VWA8: variants seen among roughly 807,000 people sequenced by gnomAD.
VWA8 encodes von Willebrand factor A domain containing 8, also known as von Willebrand factor A domain-containing protein 8.
In VWA8, 221 loss-of-function variants were observed where a neutral mutation model predicts 241.5. The observed-to-expected ratio is 0.91, with a 90% CI of 0.82 to 1.02. VWA8 has a LOEUF of 1.02. Among genes scored for constraint, VWA8 ranks in the 50% least tolerant of loss-of-function variants. The probability of loss-of-function intolerance (pLI) is 0.00; values close to 1 mark genes in which losing one functional copy is unlikely to be tolerated. For synonymous variants in VWA8, 852 were observed against 827.1 expected (o/e 1.03, Z -0.52); for missense variants, 2,322 against 2,328.7 (o/e 1.00, Z 0.06).
At chr13:41,745,888 A>G (rs1292727292) in intron 21 of VWA8, among the ~76,000 whole-genome samples, 1 of 152,170 alleles carries the variant, frequency 6.6e-6, no homozygotes, top group Non-Finnish European at 1.5e-5. Flanking sequence ...TTTTTAAAAA[A>G]TCCCTCTTCC....
chr13:41,949,271 T>C (rs1171159291), intron 2 of VWA8, among the ~76,000 whole-genome samples: 1 of 152,112 alleles, frequency 6.6e-6, no homozygotes, highest in Non-Finnish European at 1.5e-5. Context: ...GTGGCACCTA[T>C]ACACCATGGA....
intron 12 of VWA8, among the ~76,000 whole-genome samples, chr13:41,854,100 T>C (rs145068769): frequency 6.6e-6 from 1 of 152,310 alleles, no homozygotes; most frequent in East Asian, 1.9e-4. Context: ...TGTTTGTTAG[T>C]ATGTTTGTTA....
At chr13:41,930,831 A>G (rs1044881409) in intron 2 of VWA8, among the ~76,000 whole-genome samples, 3 of 152,086 alleles carry the variant, frequency 2.0e-5, no homozygotes, top group Admixed American at 2.0e-4. Flanking sequence ...AGCATTTCAG[A>G]TAAGGGATGG....
chr13:41,881,340 A>ACTG (rs1555346957), intron 9 of VWA8, among the ~76,000 whole-genome samples: 1 of 112,138 alleles, frequency 8.9e-6, no homozygotes, highest in Non-Finnish European at 1.7e-5. Context: ...TGGTATGATC[A>ACTG]CTGCTACTAG....
chr13:41,628,795 C>A (rs997750075), intron 37 of VWA8, among the ~76,000 whole-genome samples: 9 of 152,174 alleles, frequency 5.9e-5, no homozygotes, highest in African/African-American at 2.2e-4. Context: ...GTAATCCCAG[C>A]ACTTTGGGAG....
chr13:41,953,146 GGAA>G (rs1878210044), intron 1 of VWA8, among the ~76,000 whole-genome samples: 1 of 152,144 alleles, frequency 6.6e-6, no homozygotes. Flanking sequence ...GGTAAATAAT[GGAA>G]GAAGTAGGAA....
At chr13:41,920,617 A>C (rs1876476541) in intron 2 of VWA8, among the ~76,000 whole-genome samples, 1 of 152,216 alleles carries the variant, frequency 6.6e-6, no homozygotes, top group African/African-American at 2.4e-5. Context: ...ATTACCACCG[A>C]TCCCACAGAA....
chr13:41,845,188 C>G (rs141979874), intron 12 of VWA8, among the ~76,000 whole-genome samples: 1 of 151,910 alleles, frequency 6.6e-6, no homozygotes, highest in South Asian at 2.1e-4. Flanking sequence ...AAAAAACATA[C>G]GAAAAAATGC....
chr13:41,753,267 T>A lies in VWA8; in HGVS notation c.2426+7861A>T, dbSNP rs539728315. The stretch of plus-strand genomic sequence containing the variant: ...GTCATGTTAATGATTGGACCTGTGC[T>A]GTCCTCTTCAATTATGAAGGATAGC... On this transcript the variant is annotated intron_variant, in intron 21 of 44. Coordinates refer to ENST00000379310, the MANE Select transcript of VWA8 (RefSeq NM_015058.2). Among the ~76,000 whole-genome samples, 4 of 152,250 alleles carry A rather than the reference T, an allele frequency of 2.6e-5. No homozygotes were observed. In the South Asian group the frequency reaches 8.3e-4, roughly 32 times the overall value.
intron 1 of VWA8, among the ~76,000 whole-genome samples, chr13:41,958,341 C>A (rs115449044): frequency 6.6e-6 from 1 of 152,042 alleles, no homozygotes; most frequent in African/African-American, 2.4e-5. Context: ...AGGCACCAAA[C>A]GAATATATAG....
chr13:41,895,392 A>T (rs144128163), intron 4 of VWA8, among the ~76,000 whole-genome samples: 1 of 152,226 alleles, frequency 6.6e-6, no homozygotes, highest in Non-Finnish European at 1.5e-5. Flanking sequence ...GTTACTAGTA[A>T]TCTCAGAGAG....
chr13:41,762,420 G>T (rs2045747475), intron 20 of VWA8, among the ~76,000 whole-genome samples: 1 of 152,042 alleles, frequency 6.6e-6, no homozygotes, highest in Non-Finnish European at 1.5e-5. Context: ...GTGAAACGAG[G>T]ACTCACATCC....
chr13:41,771,605 G>T (rs1328307006), intron 20 of VWA8, among the ~76,000 whole-genome samples: 2 of 152,014 alleles, frequency 1.3e-5, no homozygotes, highest in African/African-American at 2.4e-5. Flanking sequence ...TTGAGACAGG[G>T]TCTTGCTCTG....
intron 42 of VWA8, among the ~76,000 whole-genome samples, chr13:41,579,984 C>A (rs1231679055): frequency 6.6e-6 from 1 of 151,966 alleles, no homozygotes; most frequent in Non-Finnish European, 1.5e-5. Flanking sequence ...GTAGCTGGGA[C>A]CACAGGCATG....
chr13:41,947,841 C>T (rs112369802), intron 2 of VWA8, among the ~76,000 whole-genome samples: 2,221 of 147,034 alleles, frequency 0.015, 51 homozygotes, highest in African/African-American at 0.052. Flanking sequence ...AGGCTGAGGA[C>T]CTGGAGGTTG....
At chr13:41,618,140 T>C (rs989425939) in intron 37 of VWA8, among the ~76,000 whole-genome samples, 35 of 152,184 alleles carry the variant, frequency 2.3e-4, no homozygotes, top group African/African-American at 8.0e-4. Context: ...CCAGCACCTG[T>C]TGTTTCCTGA....
chr13:41,731,504 T>C (rs1167811819), intron 22 of VWA8, among the ~76,000 whole-genome samples: 1 of 152,178 alleles, frequency 6.6e-6, no homozygotes, highest in Non-Finnish European at 1.5e-5. Context: ...TCTAAATCTC[T>C]CACTCTGAAG....
At chr13:41,593,777 A>G (rs757429397) in intron 40 of VWA8, among the ~76,000 whole-genome samples, 2 of 152,178 alleles carry the variant, frequency 1.3e-5, no homozygotes, top group Non-Finnish European at 2.9e-5. Flanking sequence ...ACTCTCACAG[A>G]CTAGTCTAGA....
At position 41,703,201 on chromosome 13, in the gene VWA8, T is replaced by C. The variant is rs9594615; in HGVS notation, c.3225+102A>G. 8.7e-3 allele frequency: 8,217 copies of C among 943,464 alleles called. 462 individuals carry two copies. The African/African-American group carries it at 0.12, about 14-fold the overall frequency. 58.4% of individuals were successfully genotyped at this position (943,464 alleles called of 1,614,324 possible). On this transcript the variant is annotated intron_variant, in intron 27 of 44. Coordinates refer to ENST00000379310, the MANE Select transcript of VWA8 (RefSeq NM_015058.2). Reference sequence around the variant, plus strand: ...AGTTAGAGCAGAAGCTAAAATAACATCCGAACAAATCATTTCTGAGATTGT... The same window carrying C: ...AGTTAGAGCAGAAGCTAAAATAACACCCGAACAAATCATTTCTGAGATTGT...
Sources: gnomAD v4.1 joint callset for allele counts (sites outside exome capture counted in the v4.1 genomes callset) on GRCh38, gnomAD v4.1.1 for gene constraint, MANE v1.5 for transcripts, NCBI Gene and HGNC (gene_info 2026-07-23, HGNC 2026-07-21) for gene names.